Variants in CDH13 observed in about 807,000 individuals in gnomAD.
CDH13 encodes cadherin-13.
Under a neutral mutation model 63.8 loss-of-function variants are expected in CDH13, and 24 were observed. The observed-to-expected ratio is 0.38, with a 90% CI of 0.27 to 0.53. CDH13 has a LOEUF of 0.53. CDH13 is among the 20% of genes least tolerant of loss of function. The pLI is 0.85. For missense variants in CDH13, 1,049 were observed against 903.1 expected (o/e 1.16, Z -2.07); for synonymous variants, 503 against 355.3 (o/e 1.42, Z -4.67).
chr16:82,978,735 C>T (rs535186190), intron 2 of CDH13, among the ~76,000 whole-genome samples: 24 of 152,376 alleles, frequency 1.6e-4, no homozygotes, highest in African/African-American at 5.5e-4. Flanking sequence ...AGGGACAGAA[C>T]ACTCATGGAG....
At chr16:82,816,181 C>T (rs1273746858) in intron 1 of CDH13, among the ~76,000 whole-genome samples, 2 of 152,114 alleles carry the variant, frequency 1.3e-5, no homozygotes, top group African/African-American at 2.4e-5. Context: ...CAAGGAGCCC[C>T]TCCTGGAAGC....
At chr16:83,681,028 TC>T (rs1253037734) in intron 10 of CDH13, among the ~76,000 whole-genome samples, 1 of 151,764 alleles carries the variant, frequency 6.6e-6, no homozygotes, top group Non-Finnish European at 1.5e-5. Context: ...ACATCTTCCT[TC>T]CTAATCAATA....
intron 6 of CDH13, among the ~76,000 whole-genome samples, chr16:83,369,750 T>C (rs2091328622): frequency 6.6e-6 from 1 of 152,064 alleles, no homozygotes; most frequent in African/African-American, 2.4e-5. Context: ...GCCTCTCCTC[T>C]CCATCTGTAG....
chr16:83,165,065 A>T (rs2037605058), intron 4 of CDH13, among the ~76,000 whole-genome samples: 1 of 146,322 alleles, frequency 6.8e-6, no homozygotes, highest in Admixed American at 6.9e-5. Context: ...AGTGTGTGGG[A>T]GATGAGTAGA....
At chr16:83,531,141 T>A (rs533830787) in intron 7 of CDH13, among the ~76,000 whole-genome samples, 4 of 152,338 alleles carry the variant, frequency 2.6e-5, no homozygotes, top group African/African-American at 9.6e-5. Context: ...TAGCACATCC[T>A]CTTCTGGGTA....
At chr16:83,370,225 A>C (rs566966964) in intron 6 of CDH13, among the ~76,000 whole-genome samples, 1 of 152,060 alleles carries the variant, frequency 6.6e-6, no homozygotes, top group Non-Finnish European at 1.5e-5. Context: ...ATCTCTACTA[A>C]AAAATAGAAA....
chr16:82,938,203 A>G (rs1011793663), intron 2 of CDH13, among the ~76,000 whole-genome samples: 2 of 152,112 alleles, frequency 1.3e-5, no homozygotes, highest in Admixed American at 6.6e-5. Context: ...TTCAACAGCT[A>G]TTTTTCCAGA....
rs141774326 is a variant in CDH13 at position 83,100,311 on chromosome 16, G to A, written c.367-25074G>A. On this transcript the variant is annotated intron_variant, in intron 3 of 13. Transcript: ENST00000567109. The stretch of plus-strand genomic sequence containing the variant: ...AACAAGGGACATAGATACAAATAAA[G>A]CACAGAAGGGAAATAGGAAGTGTTG... Among the ~76,000 whole-genome samples, 184 of 152,260 alleles carry A rather than the reference G, an allele frequency of 1.2e-3. 1 individual carries two copies. Among genetic ancestry groups the A allele is most frequent in the South Asian group, 1.0e-2 (48 of 4,816 alleles).
chr16:82,820,669 CAT>C (rs2037962462), intron 1 of CDH13, among the ~76,000 whole-genome samples: 1 of 152,194 alleles, frequency 6.6e-6, no homozygotes. Context: ...AAATGAAAGA[CAT>C]AGACAGGGTT....
rs149071497 is a variant in CDH13 at position 83,450,281 on chromosome 16, G to A, written c.782-36196G>A. ...TGCTTAGGCTCTGCCCCTCAAAAGC[G>A]GAAATGTTGAGTGTGGAGTGCAGCT... On this transcript the variant is annotated intron_variant, in intron 6 of 13. Coordinates refer to ENST00000567109, the MANE Select transcript of CDH13 (RefSeq NM_001257.5). Among the ~76,000 whole-genome samples the A allele has an allele frequency of 7.3e-3, 1,113 of 152,292 alleles. 4 individuals carry two copies. The highest frequency in any genetic ancestry group is 0.012 in the Non-Finnish European group (800 of 68,022).
intron 11 of CDH13, among the ~76,000 whole-genome samples, chr16:83,758,730 C>G (rs1172043562): frequency 6.6e-6 from 1 of 152,082 alleles, no homozygotes; most frequent in African/African-American, 2.4e-5. Flanking sequence ...TTTATATACC[C>G]CAGCAGTAAG....
intron 7 of CDH13, among the ~76,000 whole-genome samples, chr16:83,497,995 C>A (rs2151580818): frequency 6.6e-6 from 1 of 152,316 alleles, no homozygotes; most frequent in East Asian, 1.9e-4. Flanking sequence ...AAACAGGCAA[C>A]CTCAGACAGA....
chr16:83,370,164 G>T (rs1445218283), intron 6 of CDH13, among the ~76,000 whole-genome samples: 1 of 152,160 alleles, frequency 6.6e-6, no homozygotes, highest in Admixed American at 6.5e-5. Context: ...GAGGCGGACG[G>T]ATCGTGAAGT....
intron 2 of CDH13, among the ~76,000 whole-genome samples, chr16:82,956,960 AG>A (rs2151332881): frequency 6.6e-6 from 1 of 152,306 alleles, no homozygotes; most frequent in East Asian, 1.9e-4. Flanking sequence ...TGTCACTTAG[AG>A]ACAAAGTGGA....
intron 1 of CDH13, among the ~76,000 whole-genome samples, chr16:82,834,233 C>T (rs917283464): frequency 4.6e-5 from 7 of 152,148 alleles, no homozygotes; most frequent in East Asian, 1.9e-4. Flanking sequence ...TAAAGGTCAA[C>T]GCCTTGTGCA....
At chr16:83,008,376 G>A (rs1370562853) in intron 2 of CDH13, among the ~76,000 whole-genome samples, 1 of 152,158 alleles carries the variant, frequency 6.6e-6, no homozygotes, top group East Asian at 1.9e-4. Context: ...GAAATGTGGG[G>A]GAATTGCACT....
Position 83,766,032 on chromosome 16 carries a change from C to G in CDH13, c.1682-13936C>G, listed in dbSNP as rs755355956. The stretch of plus-strand genomic sequence containing the variant: ...CTCAAGATTGCTCATTAGCTCACAT[C>G]TAAATTGTGGCTCCTCTCAGATGGG... On this transcript the variant is annotated intron_variant, in intron 11 of 13. Transcript: ENST00000567109. 2.0e-4 allele frequency among the ~76,000 whole-genome samples: 31 copies of G among 152,196 alleles called. 1 individual carries two copies. Among genetic ancestry groups the G allele is most frequent in the Non-Finnish European group, 2.1e-4 (14 of 68,044 alleles).
intron 1 of CDH13, among the ~76,000 whole-genome samples, chr16:82,761,297 C>T (rs1454642262): frequency 6.6e-6 from 1 of 151,984 alleles, no homozygotes; most frequent in Non-Finnish European, 1.5e-5. Flanking sequence ...GGATTACAGA[C>T]GTGAGCCGCC....
intron 2 of CDH13, among the ~76,000 whole-genome samples, chr16:83,013,039 C>A (rs1020490194): frequency 6.6e-6 from 1 of 152,186 alleles, no homozygotes; most frequent in Non-Finnish European, 1.5e-5. Context: ...CTTGCCTGAG[C>A]ACTTAGGTGG....
Sources: gnomAD v4.1 joint callset for allele counts (sites outside exome capture counted in the v4.1 genomes callset) on GRCh38, gnomAD v4.1.1 for gene constraint, MANE v1.5 for transcripts, NCBI Gene and HGNC (gene_info 2026-07-23, HGNC 2026-07-21) for gene names.